Variants in MRE11 observed in about 807,000 individuals in gnomAD.
MRE11 encodes the protein double-strand break repair protein MRE11.
A neutral mutation model predicts 91.7 loss-of-function variants in MRE11; 62 were observed. The ratio of observed to expected loss-of-function variants is 0.68; its 90% CI spans 0.55 to 0.84. MRE11 has a LOEUF of 0.84. MRE11 is among the 40% of genes least tolerant of loss of function. MRE11 has a pLI of 0.00. For synonymous variants in MRE11, 273 were observed against 271.4 expected (o/e 1.01, Z -0.06); for missense variants, 796 against 852.9 (o/e 0.93, Z 0.83).
intron 7 of MRE11, chr11:94,473,168 AG>A (rs1555013613): frequency 6.6e-6 from 1 of 152,180 alleles, no homozygotes; most frequent in Non-Finnish European, 1.5e-5. Flanking sequence ...AGAAGGGCTA[AG>A]CAGAATAAAT....
At chr11:94,474,130 G>A (rs1039441580) in intron 7 of MRE11, among the ~76,000 whole-genome samples, 1 of 152,078 alleles carries the variant, frequency 6.6e-6, no homozygotes, top group Non-Finnish European at 1.5e-5. Context: ...ACGCATTTGT[G>A]GATTTCTGAA....
intron 7 of MRE11, among the ~76,000 whole-genome samples, chr11:94,476,010 T>C (rs544784463): frequency 6.6e-6 from 1 of 152,288 alleles, no homozygotes; most frequent in Non-Finnish European, 1.5e-5. Flanking sequence ...AGGAATGGGA[T>C]AAAGGAATGG....
intron 10 of MRE11, among the ~76,000 whole-genome samples, chr11:94,467,071 C>G (rs751762362): frequency 5.3e-5 from 8 of 152,154 alleles, no homozygotes; most frequent in African/African-American, 9.7e-5. Flanking sequence ...ATCTTTTCCA[C>G]TGGTTATGGT....
intron 9 of MRE11, among the ~76,000 whole-genome samples, chr11:94,468,358 G>C (rs758011679): frequency 6.6e-6 from 1 of 152,144 alleles, no homozygotes; most frequent in African/African-American, 2.4e-5. Context: ...TACTCTGAGA[G>C]GATAAGATTA....
chr11:94,497,227 G>A, upstream of MRE11: 1 of 519,354 alleles, frequency 1.9e-6, no homozygotes, highest in Non-Finnish European at 3.4e-6. Context: ...AAGAGAGGAT[G>A]GAAACTAACA....
chr11:94,473,738 C>T (rs115437013), intron 7 of MRE11, among the ~76,000 whole-genome samples: 306 of 152,150 alleles, frequency 2.0e-3, no homozygotes, highest in African/African-American at 6.9e-3. Context: ...ACTAAAATAA[C>T]TTACACAAAC....
At position 94,462,706 on chromosome 11, in the gene MRE11, C is replaced by T. The variant is rs553264198; in HGVS notation, c.1225+1407G>A. On this transcript the variant is annotated intron_variant, in intron 11 of 19. Coordinates refer to ENST00000323929, the MANE Select transcript of MRE11 (RefSeq NM_005591.4). ...AGGATTCCCTATTTAGTAAATGGTG[C>T]TGGGAAAACTGGCTAGCCATATGTA... is the stretch of plus-strand genomic sequence containing the variant. 5.4e-4 allele frequency among the ~76,000 whole-genome samples: 82 copies of T among 152,244 alleles called. 1 individual carries two copies. The Middle Eastern group carries it at 0.01, about 19-fold the overall frequency.
At chr11:94,443,353 A>G (rs682213) in intron 16 of MRE11, among the ~76,000 whole-genome samples, 72,874 of 151,994 alleles carry the variant, frequency 0.48, 17,703 homozygotes, top group South Asian at 0.6. Flanking sequence ...GAGATCTAGG[A>G]TAAGCTACCT....
intron 7 of MRE11, among the ~76,000 whole-genome samples, chr11:94,472,628 GCAC>G (rs1016712871): frequency 6.6e-6 from 1 of 152,168 alleles, no homozygotes; most frequent in Non-Finnish European, 1.5e-5. Context: ...TGCCAACATG[GCAC>G]CACAAGTGGT....
Position 94,445,897 on chromosome 11 carries a change from T to A in MRE11, c.1784-4A>T. The A allele has an allele frequency of 1.2e-6, 2 of 1,610,624 alleles. No homozygotes were observed. Among genetic ancestry groups the A allele is most frequent in the Non-Finnish European group, 1.7e-6 (2 of 1,176,796 alleles). On this transcript the variant is annotated splice_region_variant and splice_polypyrimidine_tract_variant and intron_variant, in intron 15 of 19. Transcript: ENST00000323929. Reference sequence around the variant, plus strand: ...GAAGTCTCCAGACCAGTGTCTGCTGTTAGAAAAATGAACAGTCAATGTACA... The same window carrying A: ...GAAGTCTCCAGACCAGTGTCTGCTGATAGAAAAATGAACAGTCAATGTACA...
At chr11:94,422,864 C>A (rs769828372) in intron 19 of MRE11, among the ~76,000 whole-genome samples, 6 of 152,088 alleles carry the variant, frequency 3.9e-5, no homozygotes, top group Non-Finnish European at 7.3e-5. Flanking sequence ...CAGGCATGTG[C>A]CACCATGTCC....
intron 15 of MRE11, among the ~76,000 whole-genome samples, chr11:94,446,957 T>G (rs574414459): frequency 6.6e-6 from 1 of 152,330 alleles, no homozygotes; most frequent in South Asian, 2.1e-4. Context: ...AGGTACTACG[T>G]GACAAACACA....
In MRE11 at chr11:94,417,097, C is replaced by A. The variant is rs1302988207; in HGVS notation, c.*3028G>T. On this transcript the variant is annotated 3_prime_UTR_variant, in exon 20 of 20. Transcript: ENST00000323929. ...GTTCAAGCGATTCTCCTGCCTCAGC[C>A]TCCTGAGTAGCTAAGATTACAGGCA... is the stretch of plus-strand genomic sequence containing the variant. The A allele has an allele frequency of 6.4e-6, 1 of 155,970 alleles. No individual in the cohort carries two copies. The highest frequency in any genetic ancestry group is 1.7e-4 in the East Asian group (1 of 5,742). 9.7% of individuals were successfully genotyped at this position (155,970 alleles called of 1,614,324 possible).
At chr11:94,488,105 G>C (rs1451108450) in intron 3 of MRE11, among the ~76,000 whole-genome samples, 1 of 152,204 alleles carries the variant, frequency 6.6e-6, no homozygotes, top group Non-Finnish European at 1.5e-5. Context: ...AGTAGAAGCA[G>C]AAGTGAAGGA....
intron 16 of MRE11, 100 bp from the exon 17 acceptor site, chr11:94,437,335 A>T: frequency 9.8e-7 from 1 of 1,021,910 alleles, no homozygotes; most frequent in Non-Finnish European, 1.5e-6. Flanking sequence ...TCCTATCTGC[A>T]AAACTGAATG....
chr11:94,461,144 C>T, intron 11 of MRE11, 108 bp from the exon 12 acceptor site: 1 of 833,848 alleles, frequency 1.2e-6, no homozygotes. Flanking sequence ...TTAGCAACTG[C>T]CAGCTTGCTC....
intron 19 of MRE11, among the ~76,000 whole-genome samples, chr11:94,421,968 G>A (rs1005377415): frequency 6.6e-6 from 1 of 152,128 alleles, no homozygotes; most frequent in Non-Finnish European, 1.5e-5. Context: ...AAAAAGTGCT[G>A]AAGATCTGTT....
intron 6 of MRE11, 92 bp downstream of exon 6, chr11:94,478,643 T>C (rs1041098172): frequency 3.1e-5 from 45 of 1,466,778 alleles, no homozygotes; most frequent in Non-Finnish European, 4.0e-5. Flanking sequence ...GTTTGCCCCA[T>C]TTTTTCCAAA....
chr11:94,422,566 T>C (rs1296888524), intron 19 of MRE11, among the ~76,000 whole-genome samples: 1 of 152,146 alleles, frequency 6.6e-6, no homozygotes, highest in Non-Finnish European at 1.5e-5. Flanking sequence ...GATCCCACTG[T>C]TAACTGGGCA....
Sources: allele counts gnomAD v4.1 joint callset (sites outside exome capture counted in the v4.1 genomes callset), GRCh38; gene constraint gnomAD v4.1.1; transcripts MANE v1.5; gene names NCBI Gene and HGNC (gene_info 2026-07-23, HGNC 2026-07-21).